The following CARMIL2 variants were observed in gnomAD, a reference collection of about 807,000 sequenced individuals.
CARMIL2 encodes capping protein, Arp2/3 and myosin-I linker protein 2.
A neutral mutation model predicts 173.3 loss-of-function variants in CARMIL2; 96 were observed. That is an observed-to-expected ratio of 0.55 (90% confidence interval 0.47 to 0.66). CARMIL2 has a LOEUF of 0.66. Ranked by LOEUF, CARMIL2 falls within the 30% of genes least tolerant of loss-of-function variation. The pLI is 0.00. For missense variants in CARMIL2, 1,771 were observed against 1,906.7 expected, an observed-to-expected ratio of 0.93 and a Z score of 1.33; for synonymous variants, 830 against 817.1, an observed-to-expected ratio of 1.02 and a Z score of -0.27.
rs1215623109 is a variant in CARMIL2 at position 67,645,761 on chromosome 16, C to T, written c.170C>T (p.Thr57Ile). 3 of 1,612,646 alleles carry T rather than the reference C, an allele frequency of 1.9e-6. No individual in the cohort carries two copies. Among genetic ancestry groups the T allele is most frequent in the African/African-American group, 2.7e-5 (2 of 75,070 alleles). The change falls in exon 3 of 38, where the codon ACC becomes ATC. Residue 57 changes from threonine to isoleucine, a missense_variant. Coordinates refer to ENST00000334583, the MANE Select transcript of CARMIL2 (RefSeq NM_001013838.3). ...LRWRAYLLHTTCLPLRVDCTF... is the reference protein window; with the variant it reads ...LRWRAYLLHTICLPLRVDCTF... Reference sequence around the variant, plus strand: ...TGGAGAGCCTACCTGCTGCACACCACCTGCCTCCCGCTGAGGGTGAGTCCC... The same window carrying T: ...TGGAGAGCCTACCTGCTGCACACCATCTGCCTCCCGCTGAGGGTGAGTCCC...
Position 67,654,222 on chromosome 16 carries a change from C to T in CARMIL2, c.3194C>T (p.Ser1065Phe). 6.4e-7 allele frequency: 1 copy of T among 1,571,692 alleles called. No individual in the cohort carries two copies. The highest frequency in any genetic ancestry group is 8.6e-7 in the Non-Finnish European group (1 of 1,158,734). Residue 1065 changes from serine to phenylalanine, a missense_variant, in exon 30 of 38, where the codon TCC (serine) becomes TTC (phenylalanine). Coordinates refer to ENST00000334583, the MANE Select transcript of CARMIL2 (RefSeq NM_001013838.3). ...GACGAGGGCGTGGAGGAATTCTTCT[C>T]CAAAAGGCTGATCCAGCAGGATCGC... ...RVDEGVEEFF[S>F]KRLIQQDRLW... is the part of the protein sequence containing the mutation.
intron 1 of CARMIL2, 21 bp downstream of exon 1, chr16:67,645,307 CCTT>C: frequency 1.3e-6 from 2 of 1,597,040 alleles, no homozygotes; most frequent in Non-Finnish European, 1.7e-6. Flanking sequence ...GCCCTTCCTG[CCTT>C]CTTGGCCGGG....
intron 34 of CARMIL2, 31 bp downstream of exon 34, chr16:67,656,330 T>TGGGAGCAGGGACAGGC: frequency 6.2e-7 from 1 of 1,613,356 alleles, no homozygotes. Context: ...GTGTTGGTAG[T>TGGGAGCAGGGACAGGC]GGGAGCAGGG....
In CARMIL2 at chr16:67,648,212, G is replaced by T; in HGVS notation, c.1232G>T (p.Gly411Val). ...CGGGGAGGGCTCGGTCCCCCCGCGGGTGTAGCCAACAGCCTCCCCCCGCAG... is the reference window on the plus strand; with the variant it reads ...CGGGGAGGGCTCGGTCCCCCCGCGGTTGTAGCCAACAGCCTCCCCCCGCAG... The part of the protein sequence containing the change: ...AGRGGLGPPA[G>V]VANSLPPQLF... The change falls in exon 14 of 38, where the codon GGT (glycine) becomes GTT (valine). Residue 411 changes from glycine (G) to valine (V), a missense_variant. Physicochemically the swap from Gly to Val is moderately radical, Grantham distance 109 (BLOSUM62 -3). Around this residue, in one of 3 missense-constraint regions of CARMIL2, gnomAD observed 944 missense variants for 975.6 expected, o/e 0.97. Transcript: ENST00000334583. This position sits in a 1 kb window ranked among gnomAD's most constrained non-coding sequence, Gnocchi z 6.1. 1.2e-6 allele frequency: 2 copies of T among 1,605,228 alleles called. No homozygotes were observed. The highest frequency in any genetic ancestry group is 1.7e-6 in the Non-Finnish European group (2 of 1,176,852).
chr16:67,648,156 G>T lies in CARMIL2; in HGVS notation c.1176G>T (p.Trp392Cys). 6.2e-7 allele frequency: 1 copy of T among 1,609,254 alleles called. No individual in the cohort carries two copies. Among genetic ancestry groups the T allele is most frequent in the Non-Finnish European group, 8.5e-7 (1 of 1,177,264 alleles). Residue 392 changes from tryptophan (W) to cysteine (C), a missense_variant, in exon 14 of 38, where the codon TGG becomes TGT. Transcript: ENST00000334583. This position sits in a 1 kb window ranked among gnomAD's most constrained non-coding sequence, Gnocchi z 6.1. The part of the protein sequence containing the change: ...DTVRGCSVGG[W>C]MTGRADWRAG... ...TGAGGGGGTGCTCCGTGGGGGGATG[G>T]ATGACCGGCAGGGCGGACTGGAGGG...
chr16:67,654,236 C>A lies in CARMIL2; in HGVS notation c.3208C>A (p.Gln1070Lys), dbSNP rs866839255. Reference protein sequence around the residue: ...VEEFFSKRLIQQDRLWAPEED... With the variant: ...VEEFFSKRLIKQDRLWAPEED... Reference sequence around the variant, plus strand: ...GGAATTCTTCTCCAAAAGGCTGATCCAGCAGGATCGCCTGTGAGTGAGGGG... The same window carrying A: ...GGAATTCTTCTCCAAAAGGCTGATCAAGCAGGATCGCCTGTGAGTGAGGGG... The change falls in exon 30 of 38, where the codon CAG (glutamine) becomes AAG (lysine). Residue 1070 changes from glutamine to lysine, a missense_variant. Transcript: ENST00000334583. 6.4e-7 allele frequency: 1 copy of A among 1,570,770 alleles called. No homozygotes were observed.
In CARMIL2 at chr16:67,649,741, C is replaced by T. The variant is rs2052682511; in HGVS notation, c.1920-65C>T. On this transcript the variant is annotated intron_variant, in intron 20 of 37. Coordinates refer to ENST00000334583, the MANE Select transcript of CARMIL2 (RefSeq NM_001013838.3). This position sits in a 1 kb window ranked among gnomAD's most constrained non-coding sequence, Gnocchi z 6.7. ...GGAGCAGGCTGACGAGGCGAATGGA[C>T]TAGGCCGAGGGTTGGGTGGGGCGTT... 3 of 1,581,622 alleles carry T rather than the reference C, an allele frequency of 1.9e-6. No homozygotes were observed. The highest frequency in any genetic ancestry group is 1.2e-5 in the South Asian group (1 of 86,282).
chr16:67,654,441 C>T lies in CARMIL2; in HGVS notation c.3331C>T (p.Arg1111Trp). The change falls in exon 31 of 38, where the codon CGG (arginine) becomes TGG (tryptophan). Residue 1111 changes from arginine (R) to tryptophan (W), a missense_variant. Physicochemically the swap from Arg to Trp is moderately radical, Grantham distance 101. This residue lies in a region of CARMIL2 where 817 missense variants were observed against 903.5 expected (regional missense o/e 0.90). Coordinates refer to ENST00000334583, the MANE Select transcript of CARMIL2 (RefSeq NM_001013838.3). ...TGCCTTCAAGAAGCCTCGTTCAACG[C>T]GGGGTCCACGGACTGATCTAGAGAC... ...LFAFKKPRSTRGPRTDLETSP... is the reference protein window; with the variant it reads ...LFAFKKPRSTWGPRTDLETSP... 1.2e-6 allele frequency: 2 copies of T among 1,612,792 alleles called. No homozygotes were observed. The highest frequency in any genetic ancestry group is 1.7e-6 in the Non-Finnish European group (2 of 1,179,570).
chr16:67,648,102 C>T lies in CARMIL2; in HGVS notation c.1122C>T (p.Leu374=), dbSNP rs375905851. 2 of 1,612,852 alleles carry T rather than the reference C, an allele frequency of 1.2e-6. No homozygotes were observed. The highest frequency in any genetic ancestry group is 2.2e-5 in the East Asian group (1 of 44,860). ...SRPNVLSFLN[L]AGTDTALDTV... ...CTAACGTACTGTCGTTCCTGAATCTCGCAGGCACCGACACTGCCCTGGACA... is the reference window on the plus strand; with the variant it reads ...CTAACGTACTGTCGTTCCTGAATCTTGCAGGCACCGACACTGCCCTGGACA... The change falls in exon 14 of 38, where the codon CTC becomes CTT. Residue 374 remains leucine, a synonymous_variant. Transcript: ENST00000334583. This position sits in a 1 kb window ranked among gnomAD's most constrained non-coding sequence, Gnocchi z 6.1.
chr16:67,652,952 C>T lies in CARMIL2; in HGVS notation c.2885-67C>T, dbSNP rs1309204188. ...CGCGCCCTGGGCGGGTCCCCCGCCG[C>T]CCTAGCGCCTCCGCCGCCACCTCCC... On this transcript the variant is annotated intron_variant, in intron 28 of 37. Transcript: ENST00000334583. The surrounding 1 kb of genome is among the most constrained non-coding windows in gnomAD (Gnocchi z 4.7). 6.0e-6 allele frequency: 5 copies of T among 831,522 alleles called. No individual in the cohort carries two copies. Among genetic ancestry groups the T allele is most frequent in the African/African-American group, 1.9e-5 (1 of 52,878 alleles). The allele number at this position is 831,522 out of a possible 1,614,324, so 51.5% of individuals were successfully genotyped here. A position where few individuals can be genotyped will look rare whatever the true frequency, so the allele number is the denominator to read the frequency against.
In CARMIL2 at chr16:67,650,360, C is replaced by T. The variant is rs1169399048; in HGVS notation, c.2184+210C>T. On this transcript the variant is annotated intron_variant, in intron 22 of 37. Coordinates refer to ENST00000334583, the MANE Select transcript of CARMIL2 (RefSeq NM_001013838.3). Reference sequence around the variant, plus strand: ...CACCCTTGGCTGCCTAACGTTAAGCCTGTAAACAGGCTGTCCTGTTAGAGA... The same window carrying T: ...CACCCTTGGCTGCCTAACGTTAAGCTTGTAAACAGGCTGTCCTGTTAGAGA... 3 of 588,368 alleles carry T rather than the reference C, an allele frequency of 5.1e-6. No homozygotes were observed. In the Admixed American group the frequency reaches 9.1e-5, roughly 18 times the overall value. 36.4% of individuals were successfully genotyped at this position (588,368 alleles called of 1,614,324 possible).
rs2142961519 is a variant in CARMIL2, at chr16:67,657,097, AG to A, written c.4118-140del. 1.2e-6 allele frequency: 1 copy of A among 831,710 alleles called. No homozygotes were observed. The highest frequency in any genetic ancestry group is 2.7e-5 in the East Asian group (1 of 37,210). The allele number at this position is 831,710 out of a possible 1,614,324, so 51.5% of individuals were successfully genotyped here. A position where few individuals can be genotyped will look rare whatever the true frequency, so the allele number is the denominator to read the frequency against. Reference sequence around the variant, plus strand: ...CGAAGAGCAGCCTCTGCCAGGGGTGAGGACGCAGGGACGGGGGATGCTCTGA... The same window carrying A: ...CGAAGAGCAGCCTCTGCCAGGGGTGAGACGCAGGGACGGGGGATGCTCTGA... On this transcript the variant is annotated intron_variant, in intron 36 of 37. Transcript: ENST00000334583. The surrounding 1 kb of genome is among the most constrained non-coding windows in gnomAD (Gnocchi z 4.5).
In CARMIL2 at chr16:67,649,872, G is replaced by A. The variant is rs771282300; in HGVS notation, c.1986G>A (p.Glu662=). The A allele has an allele frequency of 5.6e-6, 9 of 1,612,934 alleles. No homozygotes were observed. Among genetic ancestry groups the A allele is most frequent in the Non-Finnish European group, 5.9e-6 (7 of 1,179,836 alleles). ...TGCTGGACGTGGCGCAGGCGCTGGA[G>A]CAGAACCACAGCCTGAAGGCCATGC... The part of the protein sequence containing the change: ...LGLLDVAQAL[E]QNHSLKAMPL... Residue 662 remains glutamate, a synonymous_variant, in exon 21 of 38, where the codon GAG becomes GAA. Transcript: ENST00000334583. The surrounding 1 kb of genome is among the most constrained non-coding windows in gnomAD (Gnocchi z 6.7).
rs1258873496 is a variant in CARMIL2, at chr16:67,645,168, C to T, written c.-79C>T. 6.7e-6 allele frequency: 8 copies of T among 1,192,746 alleles called. No homozygotes were observed. In the Admixed American group the frequency reaches 1.2e-4, roughly 19 times the overall value. The allele number at this position is 1,192,746 out of a possible 1,614,324, so 73.9% of individuals were successfully genotyped here. A position where few individuals can be genotyped will look rare whatever the true frequency, so the allele number is the denominator to read the frequency against. On this transcript the variant is annotated 5_prime_UTR_variant, in exon 1 of 38. Coordinates refer to ENST00000334583, the MANE Select transcript of CARMIL2 (RefSeq NM_001013838.3). ...CAGGTGGCTGCCGTGCGGGTCTGGG[C>T]CCCAGGCTTCCTGTGTGCGCGCTCG...
rs576480842 is a variant in CARMIL2 at position 67,648,351 on chromosome 16, G to A, written c.1334+37G>A. 1,181 of 1,561,000 alleles carry A rather than the reference G, an allele frequency of 7.6e-4. 1 individual carries two copies. The highest frequency in any genetic ancestry group is 9.2e-4 in the Non-Finnish European group (1,072 of 1,161,826). On this transcript the variant is annotated intron_variant, in intron 14 of 37. Transcript: ENST00000334583. The surrounding 1 kb of genome is among the most constrained non-coding windows in gnomAD (Gnocchi z 6.1). ...CTGTCGGGGCCGGGGGAGGCTGCTG[G>A]AAGCCGCCTCCTTGCGGCCCCAGGC...
At position 67,649,539 on chromosome 16, in the gene CARMIL2, G is replaced by T. The variant is rs752054318; in HGVS notation, c.1839G>T (p.Ala613=). 1.2e-6 allele frequency: 2 copies of T among 1,605,934 alleles called. No homozygotes were observed. Among genetic ancestry groups the T allele is most frequent in the East Asian group, 4.5e-5 (2 of 44,886 alleles). The stretch of plus-strand genomic sequence containing the variant: ...TAGCCACCAATCCTAACCTGACCGC[G>T]CTGGATATCAGCGGCAACGCCATGG... ...RALATNPNLT[A]LDISGNAMGD... Residue 613 remains alanine, a synonymous_variant, in exon 20 of 38, where the codon GCG becomes GCT. Transcript: ENST00000334583. The surrounding 1 kb of genome is among the most constrained non-coding windows in gnomAD (Gnocchi z 6.7).
In CARMIL2 at chr16:67,646,620, C is replaced by T; in HGVS notation, c.467-94C>T. On this transcript the variant is annotated intron_variant, in intron 6 of 37. Coordinates refer to ENST00000334583, the MANE Select transcript of CARMIL2 (RefSeq NM_001013838.3). This position sits in a 1 kb window ranked among gnomAD's most constrained non-coding sequence, Gnocchi z 4.6. The stretch of plus-strand genomic sequence containing the variant: ...CCAAACTGAACAGAGCCATTCAGGT[C>T]CCAGCCACCACCTAGTCTGTGGGTC... The T allele has an allele frequency of 6.4e-7, 1 of 1,568,376 alleles. No homozygotes were observed. The highest frequency in any genetic ancestry group is 1.1e-5 in the South Asian group (1 of 89,986).
rs2052773958 is a variant in CARMIL2 at position 67,653,711 on chromosome 16, G to A, written c.3121-438G>A. Among the ~76,000 whole-genome samples the A allele has an allele frequency of 1.3e-5, 2 of 151,946 alleles. No homozygotes were observed. Among genetic ancestry groups the A allele is most frequent in the African/African-American group, 4.8e-5 (2 of 41,392 alleles). On this transcript the variant is annotated intron_variant, in intron 29 of 37. Transcript: ENST00000334583. The surrounding 1 kb of genome is among the most constrained non-coding windows in gnomAD (Gnocchi z 7.4). ...ACTGGCGGAGGGCGGGGAGGAGCCG[G>A]CTTGAGGCCCCCCAGAGGGTCTGAC...
At chr16:67,650,426 C>CCCCT in intron 22 of CARMIL2, 1 of 528,240 alleles carries the variant, frequency 1.9e-6, no homozygotes, top group Non-Finnish European at 3.4e-6. Context: ...CCAATTGTAG[C>CCCCT]CCCATCTCTG....
Sources: allele counts gnomAD v4.1 joint callset (sites outside exome capture counted in the v4.1 genomes callset), GRCh38; gene constraint gnomAD v4.1.1; regional missense constraint gnomAD v4.1.1; non-coding constraint Gnocchi (gnomAD v3.1); transcripts MANE v1.5; gene names NCBI Gene and HGNC (gene_info 2026-07-23, HGNC 2026-07-21).